NRXN3: variants seen among roughly 807,000 people sequenced by gnomAD.
NRXN3 encodes neurexin 3.
In NRXN3, 32 loss-of-function variants were observed where a neutral mutation model predicts 137.6. The ratio of observed to expected loss-of-function variants is 0.23; its 90% confidence interval spans 0.18 to 0.31. The LOEUF is 0.31. Ranked by LOEUF, NRXN3 falls within the 10% of genes least tolerant of loss-of-function variation. The probability of loss-of-function intolerance (pLI) is 1.00; values close to 1 mark genes in which losing one functional copy is unlikely to be tolerated. For missense variants in NRXN3, 1,574 were observed against 2,062.5 expected, an observed-to-expected ratio of 0.76 and a Z score of 4.59; for synonymous variants, 798 against 784.5, an observed-to-expected ratio of 1.02 and a Z score of -0.29.
intron 20 of NRXN3, among the ~76,000 whole-genome samples, chr14:79,829,154 A>G (rs973534313): frequency 7.9e-5 from 12 of 152,236 alleles, no homozygotes. Flanking sequence ...ATATTCTGCA[A>G]TAAAAGTTTG....
At chr14:79,822,394 T>A (rs961170462) in intron 20 of NRXN3, among the ~76,000 whole-genome samples, 1 of 152,200 alleles carries the variant, frequency 6.6e-6, no homozygotes, top group Non-Finnish European at 1.5e-5. Context: ...TCATGTTTTT[T>A]TGGATGGCTA....
intron 6 of NRXN3, among the ~76,000 whole-genome samples, chr14:78,677,799 GC>G (rs953271007): frequency 6.6e-6 from 1 of 152,124 alleles, no homozygotes; most frequent in Non-Finnish European, 1.5e-5. Flanking sequence ...AAATTGCACA[GC>G]CACCCCAACA....
chr14:78,198,166 A>G (rs546609400), intron 1 of NRXN3, among the ~76,000 whole-genome samples: 5 of 152,012 alleles, frequency 3.3e-5, no homozygotes, highest in African/African-American at 1.2e-4. Context: ...CATGAGTTTG[A>G]TTTTCTTTTT....
rs776150127 is a variant in NRXN3 at position 79,467,388 on chromosome 14, C to A, written c.3430C>A (p.Leu1144Ile). 6.2e-7 allele frequency: 1 copy of A among 1,605,472 alleles called. No individual in the cohort carries two copies. Among genetic ancestry groups the A allele is most frequent in the Non-Finnish European group, 8.5e-7 (1 of 1,173,038 alleles). Reference protein sequence around the residue: ...IDSAPGLGDFLQLHIEQGKIG... With the variant: ...IDSAPGLGDFIQLHIEQGKIG... Reference sequence around the variant, plus strand: ...CAGTGCTCCAGGACTTGGTGACTTCCTCCAGCTTCACATAGTGAGTACAGG... The same window carrying A: ...CAGTGCTCCAGGACTTGGTGACTTCATCCAGCTTCACATAGTGAGTACAGG... The change falls in exon 16 of 21, where the codon CTC (leucine) becomes ATC (isoleucine). Residue 1144 changes from leucine (L) to isoleucine (I), a missense_variant. Leu to Ile is a conservative substitution (Grantham distance 5, BLOSUM62 2). Transcript: ENST00000335750.
Position 78,765,870 on chromosome 14 carries a change from C to T in NRXN3, c.2045-37750C>T, listed in dbSNP as rs557115909. 2.0e-5 allele frequency among the ~76,000 whole-genome samples: 3 copies of T among 152,198 alleles called. No homozygotes were observed. The South Asian group carries it at 6.2e-4, about 32-fold the overall frequency. On this transcript the variant is annotated intron_variant, in intron 8 of 20. Coordinates refer to ENST00000335750, the MANE Select transcript of NRXN3 (RefSeq NM_001330195.2). ...CTCCATATCTATAGACTGCATAGAC[C>T]TCTCACACAAATTTGCATTGCTAGT...
intron 10 of NRXN3, among the ~76,000 whole-genome samples, chr14:78,926,435 A>G (rs1025066744): frequency 4.0e-5 from 6 of 150,452 alleles, no homozygotes; most frequent in African/African-American, 1.5e-4. Context: ...TACTGTAATT[A>G]GTGTTCATTG....
chr14:79,316,452 G>A (rs1289775446), intron 15 of NRXN3, among the ~76,000 whole-genome samples: 1 of 152,160 alleles, frequency 6.6e-6, no homozygotes, highest in Non-Finnish European at 1.5e-5. Flanking sequence ...AAATGACTCA[G>A]GTCCCCTGCT....
Position 78,855,916 on chromosome 14 carries a change from C to A in NRXN3, c.2275+45572C>A, listed in dbSNP as rs536167924. On this transcript the variant is annotated intron_variant, in intron 10 of 20. Coordinates refer to ENST00000335750, the MANE Select transcript of NRXN3 (RefSeq NM_001330195.2). Reference sequence around the variant, plus strand: ...GATTTTCCTGTAAAAATGGAAGTGTCCCCAAGCCTGTGTTTCTAGTCATGT... The same window carrying A: ...GATTTTCCTGTAAAAATGGAAGTGTACCCAAGCCTGTGTTTCTAGTCATGT... 3.3e-5 allele frequency among the ~76,000 whole-genome samples: 5 copies of A among 152,248 alleles called. No homozygotes were observed. The South Asian group carries it at 1.0e-3, about 32-fold the overall frequency.
rs145244363 is a variant in NRXN3 at position 79,663,247 on chromosome 14, CGT to C, written c.3445-514_3445-513del. Among the ~76,000 whole-genome samples the C allele has an allele frequency of 4.2e-3, 632 of 149,376 alleles. 2 individuals carry two copies. Among genetic ancestry groups the C allele is most frequent in the Middle Eastern group, 0.011 (3 of 284 alleles). On this transcript the variant is annotated intron_variant, in intron 16 of 20. Coordinates refer to ENST00000335750, the MANE Select transcript of NRXN3 (RefSeq NM_001330195.2). ...TTATGTGCATGTGTGTGTGTGTACG[CGT>C]GTGTGTGTGTGTGTGTATATTTATA...
At chr14:78,198,619 T>C (rs1055680305) in intron 1 of NRXN3, among the ~76,000 whole-genome samples, 3 of 152,232 alleles carry the variant, frequency 2.0e-5, no homozygotes, top group Non-Finnish European at 4.4e-5. Flanking sequence ...AATGACTTAT[T>C]GTCCTAGCCT....
chr14:79,062,331 A>G (rs1314396371), intron 15 of NRXN3, among the ~76,000 whole-genome samples: 1 of 152,070 alleles, frequency 6.6e-6, no homozygotes, highest in Non-Finnish European at 1.5e-5. Flanking sequence ...AATGGGTTCA[A>G]TCTAATGAGG....
chr14:78,495,267 G>A (rs1203338243), intron 4 of NRXN3, among the ~76,000 whole-genome samples: 1 of 151,724 alleles, frequency 6.6e-6, no homozygotes, highest in Non-Finnish European at 1.5e-5. Context: ...CTAGACATCT[G>A]GAAAGAGGCT....
chr14:79,264,570 GT>G (rs2078165234), intron 15 of NRXN3, among the ~76,000 whole-genome samples: 1 of 151,464 alleles, frequency 6.6e-6, no homozygotes. Context: ...GCGCGTGCAT[GT>G]ATGTCCCCAA....
chr14:78,438,805 C>T (rs148226290), intron 4 of NRXN3, among the ~76,000 whole-genome samples: 24 of 152,146 alleles, frequency 1.6e-4, no homozygotes, highest in African/African-American at 5.8e-4. Context: ...AAGGACACAG[C>T]TGTGTTGGAG....
intron 4 of NRXN3, chr14:78,602,541 T>A (rs922588541): frequency 4.6e-5 from 7 of 152,186 alleles, no homozygotes; most frequent in African/African-American, 1.7e-4. Context: ...TCAGTGTAGC[T>A]TTAGTTGAAA....
chr14:78,235,435 G>A (rs377385934), intron 1 of NRXN3, among the ~76,000 whole-genome samples: 5 of 151,996 alleles, frequency 3.3e-5, no homozygotes, highest in Admixed American at 3.3e-4. Flanking sequence ...CAGTCTTCTT[G>A]GTCTGTCTGC....
intron 10 of NRXN3, among the ~76,000 whole-genome samples, chr14:78,919,914 T>C (rs980159728): frequency 2.6e-5 from 4 of 152,220 alleles, no homozygotes; most frequent in Non-Finnish European, 4.4e-5. Flanking sequence ...ACAGTCATCA[T>C]CTAATTTACT....
chr14:78,942,457 G>A (rs2152916273), intron 10 of NRXN3, among the ~76,000 whole-genome samples: 1 of 152,288 alleles, frequency 6.6e-6, no homozygotes, highest in South Asian at 2.1e-4. Flanking sequence ...AAATAAAAAA[G>A]TTCCTTGAAG....
chr14:79,202,527 C>A (rs912526676), intron 15 of NRXN3, among the ~76,000 whole-genome samples: 1 of 152,086 alleles, frequency 6.6e-6, no homozygotes, highest in South Asian at 2.1e-4. Context: ...TTATCCCTCA[C>A]CCTCCTACGA....
Sources: gnomAD v4.1 joint callset for allele counts (sites outside exome capture counted in the v4.1 genomes callset) on GRCh38, gnomAD v4.1.1 for gene constraint, MANE v1.5 for transcripts, NCBI Gene and HGNC (gene_info 2026-07-23, HGNC 2026-07-21) for gene names.